GLDN: variants seen among roughly 807,000 people sequenced by gnomAD.
The protein encoded by GLDN is collomin.
A neutral mutation model predicts 56.5 loss-of-function variants in GLDN; 47 were observed. That is an observed-to-expected ratio of 0.83 (90% CI 0.66 to 1.06). GLDN has a LOEUF of 1.06. Among genes scored for constraint, GLDN ranks in the 50% least tolerant of loss-of-function variants. The pLI, the probability that GLDN is intolerant of heterozygous loss-of-function variation, is 0.00. For synonymous variants in GLDN, 332 were observed against 278.8 expected, an observed-to-expected ratio of 1.19 and a Z score of -1.90; for missense variants, 782 against 714.3, an observed-to-expected ratio of 1.09 and a Z score of -1.08.
At chr15:51,368,301 A>G (rs2037446229) in intron 1 of GLDN, among the ~76,000 whole-genome samples, 2 of 152,154 alleles carry the variant, frequency 1.3e-5, no homozygotes, top group Admixed American at 1.3e-4. Context: ...AGTCAGCGTA[A>G]CAGCGAAAAA....
intron 1 of GLDN, among the ~76,000 whole-genome samples, chr15:51,360,934 G>T (rs1254594463): frequency 6.6e-6 from 1 of 152,216 alleles, no homozygotes; most frequent in Non-Finnish European, 1.5e-5. Flanking sequence ...GGCAGCATTT[G>T]GAGATAATGG....
At position 51,348,907 on chromosome 15, in the gene GLDN, A is replaced by G. The variant is rs1223722530; in HGVS notation, c.363+6860A>G. Reference sequence around the variant, plus strand: ...GCCTTTATTTACCAGCCTGATTCTGAAAGTATAGTAGTTACTGTGTCATTG... The same window carrying G: ...GCCTTTATTTACCAGCCTGATTCTGGAAGTATAGTAGTTACTGTGTCATTG... On this transcript the variant is annotated intron_variant, in intron 1 of 9. Transcript: ENST00000335449. Among the ~76,000 whole-genome samples the G allele has an allele frequency of 3.3e-5, 5 of 152,324 alleles. No individual in the cohort carries two copies. The South Asian group carries it at 8.3e-4, about 25-fold the overall frequency.
At chr15:51,374,865 G>GT (rs2037597866) in intron 1 of GLDN, among the ~76,000 whole-genome samples, 1 of 150,478 alleles carries the variant, frequency 6.6e-6, no homozygotes, top group Non-Finnish European at 1.5e-5. Flanking sequence ...AGCCTCCTAA[G>GT]TAGCTGGGAT....
At chr15:51,344,431 C>T (rs753761298) in intron 1 of GLDN, among the ~76,000 whole-genome samples, 1 of 152,162 alleles carries the variant, frequency 6.6e-6, no homozygotes, top group Non-Finnish European at 1.5e-5. Flanking sequence ...TCACAGTTTT[C>T]CTCATCTTTA....
chr15:51,388,904 G>C (rs561859823), intron 4 of GLDN, among the ~76,000 whole-genome samples: 7 of 152,310 alleles, frequency 4.6e-5, no homozygotes, highest in African/African-American at 1.7e-4. Context: ...CCAAGGCTGA[G>C]TCTTCCTGGG....
At chr15:51,364,424 G>T (rs1013237962) in intron 1 of GLDN, among the ~76,000 whole-genome samples, 1 of 152,112 alleles carries the variant, frequency 6.6e-6, no homozygotes, top group Non-Finnish European at 1.5e-5. Flanking sequence ...CTGTCACCCA[G>T]ACTGGAGTGT....
At chr15:51,397,214 T>G (rs2038148127) in intron 5 of GLDN, among the ~76,000 whole-genome samples, 1 of 152,138 alleles carries the variant, frequency 6.6e-6, no homozygotes, top group Non-Finnish European at 1.5e-5. Flanking sequence ...ACTTGTCCAC[T>G]TGTAGAGAGA....
At chr15:51,364,005 T>C (rs554963645) in intron 1 of GLDN, among the ~76,000 whole-genome samples, 104 of 152,362 alleles carry the variant, frequency 6.8e-4, no homozygotes, top group African/African-American at 2.4e-3. Context: ...CATTTTTCCT[T>C]TGGCTGCCTT....
At chr15:51,381,357 T>A (rs574011933) in intron 2 of GLDN, among the ~76,000 whole-genome samples, 8 of 152,156 alleles carry the variant, frequency 5.3e-5, no homozygotes, top group Non-Finnish European at 1.0e-4. Flanking sequence ...CGATGATTAA[T>A]TGATTTCCTC....
chr15:51,377,958 C>T (rs2037671637), intron 2 of GLDN, among the ~76,000 whole-genome samples: 1 of 152,178 alleles, frequency 6.6e-6, no homozygotes, highest in South Asian at 2.1e-4. Flanking sequence ...TTGAAGCCAC[C>T]TGAAGCTTTT....
At chr15:51,362,947 G>C (rs1239760737) in intron 1 of GLDN, among the ~76,000 whole-genome samples, 1 of 125,032 alleles carries the variant, frequency 8.0e-6, no homozygotes, top group African/African-American at 3.1e-5. Context: ...GTTTTAATGT[G>C]ATGTGAGAGG....
At chr15:51,408,576 A>C (rs1486981398), downstream of GLDN, among the ~76,000 whole-genome samples, 1 of 152,072 alleles carries the variant, frequency 6.6e-6, no homozygotes, top group Admixed American at 6.6e-5. Context: ...TCTAGTGTAC[A>C]TGTGCACAAC....
intron 4 of GLDN, among the ~76,000 whole-genome samples, chr15:51,388,444 A>T (rs1041221818): frequency 1.3e-5 from 2 of 152,102 alleles, no homozygotes; most frequent in Non-Finnish European, 2.9e-5. Context: ...TGACTCCCCA[A>T]GCGCAATCAA....
chr15:51,404,421 TG>T lies in GLDN; in HGVS notation c.1324del (p.Val442TrpfsTer8), dbSNP rs1296411057. 1 of 1,614,078 alleles carries T rather than the reference TG, an allele frequency of 6.2e-7. No individual in the cohort carries two copies. Among genetic ancestry groups the T allele is most frequent in the Non-Finnish European group, 8.5e-7 (1 of 1,180,048 alleles). On this transcript the variant is annotated frameshift_variant, in exon 10 of 10. Coordinates refer to ENST00000335449, the MANE Select transcript of GLDN (RefSeq NM_181789.4). LOFTEE classifies it high-confidence loss of function. ...KGLWIIYASS[V>X]DGSSILVAQL... ...GCCTTTGGATTATCTATGCGTCAAGTGTGGACGGCTCGAGCATTCTTGTAGC... is the reference window on the plus strand; with the variant it reads ...GCCTTTGGATTATCTATGCGTCAAGTTGGACGGCTCGAGCATTCTTGTAGC...
chr15:51,393,467 T>A (rs2141119490), intron 4 of GLDN, among the ~76,000 whole-genome samples: 1 of 152,352 alleles, frequency 6.6e-6, no homozygotes, highest in East Asian at 1.9e-4. Context: ...TTTTCCTGTG[T>A]GAGCCCTGAT....
chr15:51,369,945 A>G (rs950519108), intron 1 of GLDN, among the ~76,000 whole-genome samples: 1 of 152,108 alleles, frequency 6.6e-6, no homozygotes, highest in South Asian at 2.1e-4. Flanking sequence ...GAAAGATTCT[A>G]TCACTACAAA....
intron 9 of GLDN, among the ~76,000 whole-genome samples, chr15:51,404,026 T>C (rs1309589875): frequency 2.1e-5 from 3 of 142,956 alleles, no homozygotes; most frequent in Non-Finnish European, 3.1e-5. Context: ...ACTTTGGTGA[T>C]TATTCTGACA....
In GLDN at chr15:51,407,209, A is replaced by G. The variant is rs1595845966; in HGVS notation, c.*2455A>G. 1.3e-5 allele frequency: 2 copies of G among 151,908 alleles called. No homozygotes were observed. The highest frequency in any genetic ancestry group is 1.3e-4 in the Admixed American group (2 of 15,264). 9.4% of individuals were successfully genotyped at this position (151,908 alleles called of 1,614,324 possible). On this transcript the variant is annotated 3_prime_UTR_variant, in exon 10 of 10. Coordinates refer to ENST00000335449, the MANE Select transcript of GLDN (RefSeq NM_181789.4). Reference sequence around the variant, plus strand: ...AGTAATGCTAACGTAAGGACAACTGAGTTTGATCAGTGTTTAATCGCAGTG... The same window carrying G: ...AGTAATGCTAACGTAAGGACAACTGGGTTTGATCAGTGTTTAATCGCAGTG...
In GLDN at chr15:51,375,525, T is replaced by C. The variant is rs116498417; in HGVS notation, c.364-1924T>C. On this transcript the variant is annotated intron_variant, in intron 1 of 9. Coordinates refer to ENST00000335449, the MANE Select transcript of GLDN (RefSeq NM_181789.4). ...GTAGCAGCCTATGAATTTAGCACAG[T>C]CAGATTTGTTTTTTCTGAAGCTCGC... Among the ~76,000 whole-genome samples the C allele has an allele frequency of 5.0e-3, 763 of 152,338 alleles. 7 individuals carry two copies. The highest frequency in any genetic ancestry group is 0.017 in the African/African-American group (718 of 41,574).
Sources: gnomAD v4.1 joint callset for allele counts (sites outside exome capture counted in the v4.1 genomes callset) on GRCh38, gnomAD v4.1.1 for gene constraint, MANE v1.5 for transcripts, NCBI Gene and HGNC (gene_info 2026-07-23, HGNC 2026-07-21) for gene names.